Variants in SGCZ observed in about 807,000 individuals in gnomAD.
SGCZ encodes the protein sarcoglycan zeta.
Under a neutral mutation model 41.3 loss-of-function variants are expected in SGCZ, and 40 were observed. That is an observed-to-expected ratio of 0.97 (90% CI 0.75 to 1.26). The LOEUF (loss-of-function observed/expected upper bound fraction) is 1.26. SGCZ is among the 50% of genes most tolerant of loss of function. The pLI, the probability that SGCZ is intolerant of heterozygous loss-of-function variation, is 0.00. For missense variants in SGCZ, 552 were observed against 369.8 expected (o/e 1.49, Z -4.04); for synonymous variants, 206 against 137.5 (o/e 1.50, Z -3.49).
At chr8:14,722,670 T>C (rs777065799) in intron 1 of SGCZ, among the ~76,000 whole-genome samples, 3 of 151,986 alleles carry the variant, frequency 2.0e-5, no homozygotes, top group African/African-American at 7.2e-5. Flanking sequence ...ACAGGTTGAC[T>C]AGGGAAGACT....
Position 15,165,060 on chromosome 8 carries a change from G to C in SGCZ, c.39+72525C>G, listed in dbSNP as rs952436524. 3.2e-4 allele frequency among the ~76,000 whole-genome samples: 49 copies of C among 152,252 alleles called. 1 individual carries two copies. The highest frequency in any genetic ancestry group is 2.6e-3 in the Admixed American group (39 of 15,282). Reference sequence around the variant, plus strand: ...TAATCCCAGCACTTTGGGAGGCCCAGGTGGGCAGATCACGAGGTCAGGAGT... The same window carrying C: ...TAATCCCAGCACTTTGGGAGGCCCACGTGGGCAGATCACGAGGTCAGGAGT... On this transcript the variant is annotated intron_variant, in intron 1 of 7. Coordinates refer to ENST00000382080, the MANE Select transcript of SGCZ (RefSeq NM_139167.4).
chr8:14,674,795 C>A (rs1322697218), intron 1 of SGCZ, among the ~76,000 whole-genome samples: 2 of 151,822 alleles, frequency 1.3e-5, no homozygotes, highest in Non-Finnish European at 2.9e-5. Flanking sequence ...CTCTCCTCCT[C>A]CTGCTTTTGC....
At chr8:14,612,043 G>A (rs918114851) in intron 1 of SGCZ, among the ~76,000 whole-genome samples, 1 of 152,140 alleles carries the variant, frequency 6.6e-6, no homozygotes, top group Non-Finnish European at 1.5e-5. Flanking sequence ...AAATTATTTA[G>A]CATTTGTCCT....
chr8:14,309,210 C>T, intron 3 of SGCZ: 1 of 1,497,650 alleles, frequency 6.7e-7, no homozygotes, highest in South Asian at 1.1e-5. Flanking sequence ...CGGCTGATCT[C>T]TAAGTTTGAT....
intron 1 of SGCZ, among the ~76,000 whole-genome samples, chr8:15,096,594 T>G (rs1031652255): frequency 1.3e-5 from 2 of 152,124 alleles, no homozygotes; most frequent in East Asian, 3.8e-4. Context: ...CCTTAGAAAA[T>G]TATATCTTAT....
intron 7 of SGCZ, among the ~76,000 whole-genome samples, chr8:14,096,295 G>C (rs1053003213): frequency 6.6e-6 from 1 of 152,100 alleles, no homozygotes; most frequent in South Asian, 2.1e-4. Flanking sequence ...GTAGTTTATT[G>C]AGAGTTTTTA....
At chr8:14,935,123 A>C (rs1379070788) in intron 1 of SGCZ, among the ~76,000 whole-genome samples, 4 of 151,652 alleles carry the variant, frequency 2.6e-5, no homozygotes, top group Non-Finnish European at 3.0e-5. Flanking sequence ...GTGCAAGTAT[A>C]AATTATATTT....
chr8:14,251,098 C>T (rs9325701), intron 3 of SGCZ, among the ~76,000 whole-genome samples: 1,611 of 152,116 alleles, frequency 0.011, 34 homozygotes, highest in African/African-American at 0.037. Context: ...TGCAGTGGTA[C>T]GCACCTTTAA....
intron 1 of SGCZ, among the ~76,000 whole-genome samples, chr8:15,146,216 C>A (rs1361609713): frequency 3.3e-5 from 5 of 152,056 alleles, no homozygotes; most frequent in Non-Finnish European, 5.9e-5. Flanking sequence ...AAGTGAAGCA[C>A]AAACATCTAA....
At chr8:14,225,888 C>T (rs1326793747) in intron 4 of SGCZ, among the ~76,000 whole-genome samples, 2 of 152,000 alleles carry the variant, frequency 1.3e-5, no homozygotes, top group Non-Finnish European at 2.9e-5. Context: ...TTGCGACCGA[C>T]AAGCATTTAT....
chr8:14,107,078 C>A (rs1802226889), intron 6 of SGCZ, among the ~76,000 whole-genome samples: 1 of 151,830 alleles, frequency 6.6e-6, no homozygotes, highest in African/African-American at 2.4e-5. Context: ...TAACCGGGCA[C>A]AATGGCGGGC....
At chr8:14,967,323 G>A (rs73203309) in intron 1 of SGCZ, among the ~76,000 whole-genome samples, 55,969 of 151,882 alleles carry the variant, frequency 0.37, 12,457 homozygotes, top group East Asian at 0.52. Flanking sequence ...TCTAACTGGC[G>A]CTCCATCTCT....
chr8:14,363,909 T>A (rs1194143633), intron 2 of SGCZ, among the ~76,000 whole-genome samples: 5 of 152,190 alleles, frequency 3.3e-5, no homozygotes, highest in Non-Finnish European at 7.4e-5. Context: ...CCAGATTACA[T>A]ATCACTGTTT....
At chr8:14,220,315 A>G (rs1007311541) in intron 4 of SGCZ, among the ~76,000 whole-genome samples, 1 of 152,210 alleles carries the variant, frequency 6.6e-6, no homozygotes, top group Non-Finnish European at 1.5e-5. Context: ...TATCAGAGAC[A>G]TAATATTACG....
chr8:14,740,790 A>G (rs370961986), intron 1 of SGCZ, among the ~76,000 whole-genome samples: 4 of 152,042 alleles, frequency 2.6e-5, no homozygotes, highest in African/African-American at 7.2e-5. Context: ...CTTTCTCACC[A>G]TAATTTCTTT....
At chr8:14,224,923 T>C (rs538191992) in intron 4 of SGCZ, among the ~76,000 whole-genome samples, 1 of 152,318 alleles carries the variant, frequency 6.6e-6, no homozygotes, top group African/African-American at 2.4e-5. Flanking sequence ...GAAATTACTT[T>C]GGTTTATTTT....
Position 14,445,765 on chromosome 8 carries a change from G to C in SGCZ, c.234+108967C>G, listed in dbSNP as rs1458112494. 2.0e-5 allele frequency among the ~76,000 whole-genome samples: 3 copies of C among 152,262 alleles called. No homozygotes were observed. In the East Asian group the frequency reaches 5.8e-4, roughly 30 times the overall value. ...CAGGTGATGTGGCAAGGGGTCAACT[G>C]AGCTGTTAGTCTGCAGACAGTGGAG... On this transcript the variant is annotated intron_variant, in intron 2 of 7. Coordinates refer to ENST00000382080, the MANE Select transcript of SGCZ (RefSeq NM_139167.4).
At chr8:14,524,672 C>T (rs983108901) in intron 2 of SGCZ, among the ~76,000 whole-genome samples, 1 of 152,072 alleles carries the variant, frequency 6.6e-6, no homozygotes, top group Non-Finnish European at 1.5e-5. Flanking sequence ...TTACTTCTAA[C>T]CAATTGATAG....
intron 1 of SGCZ, among the ~76,000 whole-genome samples, chr8:14,983,859 T>A (rs550661421): frequency 4.6e-5 from 7 of 152,212 alleles, no homozygotes; most frequent in Non-Finnish European, 8.8e-5. Flanking sequence ...ATATCTATTA[T>A]ATCTTTTGAG....
Sources: allele counts gnomAD v4.1 joint callset (sites outside exome capture counted in the v4.1 genomes callset), GRCh38; gene constraint gnomAD v4.1.1; transcripts MANE v1.5; gene names NCBI Gene and HGNC (gene_info 2026-07-23, HGNC 2026-07-21).